Variants in DENND1A observed in about 807,000 individuals in gnomAD.
DENND1A encodes DENN domain containing 1A, also known as DENN domain-containing protein 1A.
DENND1A carries 51 observed loss-of-function variants against 113.7 expected under a neutral mutation model. The ratio of observed to expected loss-of-function variants is 0.45; its 90% CI spans 0.36 to 0.57. The LOEUF is 0.57. DENND1A is among the 20% of genes least tolerant of loss of function. The probability of loss-of-function intolerance (pLI) is 0.00; values close to 1 mark genes in which losing one functional copy is unlikely to be tolerated. For synonymous variants in DENND1A, 565 were observed against 570.8 expected (o/e 0.99, Z 0.14); for missense variants, 1,258 against 1,395.9 (o/e 0.90, Z 1.57).
chr9:123,449,976 C>A (rs896907982), intron 18 of DENND1A, among the ~76,000 whole-genome samples: 5 of 151,172 alleles, frequency 3.3e-5, no homozygotes, highest in African/African-American at 1.2e-4. Flanking sequence ...CCACCTGTTT[C>A]CCCCAAAGGC....
intron 19 of DENND1A, among the ~76,000 whole-genome samples, chr9:123,418,089 C>A (rs957579691): frequency 6.6e-6 from 1 of 152,170 alleles, no homozygotes; most frequent in Non-Finnish European, 1.5e-5. Context: ...ATCAGAGACA[C>A]AATAAGAGGA....
At chr9:123,500,651 A>T (rs1263544372) in intron 13 of DENND1A, among the ~76,000 whole-genome samples, 2 of 152,120 alleles carry the variant, frequency 1.3e-5, no homozygotes, top group African/African-American at 2.4e-5. Context: ...AGTTCTCCGC[A>T]CGCCTCTCCC....
At chr9:123,752,824 G>T (rs1414040859) in intron 5 of DENND1A, among the ~76,000 whole-genome samples, 1 of 152,192 alleles carries the variant, frequency 6.6e-6, no homozygotes, top group Non-Finnish European at 1.5e-5. Flanking sequence ...ATATGAAAAT[G>T]CTAAAATGCT....
rs533469635 is a variant in DENND1A, at chr9:123,818,345, C to T, written c.89-25715G>A. 3.2e-4 allele frequency among the ~76,000 whole-genome samples: 49 copies of T among 152,146 alleles called. 1 individual carries two copies. In the South Asian group the frequency reaches 7.1e-3, roughly 22 times the overall value. On this transcript the variant is annotated intron_variant, in intron 2 of 23. Transcript: ENST00000394215. ...GGTCTTGATCTCCTGACCTTATGAT[C>T]CGCCCGCCTAGGCCTCTCAAAGTGC...
intron 13 of DENND1A, among the ~76,000 whole-genome samples, chr9:123,553,953 T>C (rs1448886021): frequency 6.6e-6 from 1 of 152,186 alleles, no homozygotes; most frequent in Non-Finnish European, 1.5e-5. Flanking sequence ...AGACAGGATG[T>C]CACCACGTTG....
In DENND1A at chr9:123,868,480, T is replaced by C. The variant is rs372778038; in HGVS notation, c.88+10471A>G. Among the ~76,000 whole-genome samples the C allele has an allele frequency of 7.2e-5, 11 of 152,364 alleles. No individual in the cohort carries two copies. In the East Asian group the frequency reaches 1.9e-3, roughly 27 times the overall value. On this transcript the variant is annotated intron_variant, in intron 2 of 23. Transcript: ENST00000394215. ...ATGTCCCATGCATGGTGCACTCCCA[T>C]TTAATCTTTCAACTAAAACAGGTAC...
intron 5 of DENND1A, among the ~76,000 whole-genome samples, chr9:123,756,085 AT>A (rs2070516882): frequency 6.6e-6 from 1 of 152,164 alleles, no homozygotes; most frequent in South Asian, 2.1e-4. Flanking sequence ...TAATTTTTGT[AT>A]TTTTTAGTTA....
At chr9:123,707,947 T>C (rs1326443131) in intron 5 of DENND1A, among the ~76,000 whole-genome samples, 1 of 151,964 alleles carries the variant, frequency 6.6e-6, no homozygotes, top group African/African-American at 2.4e-5. Flanking sequence ...GTGTCTTGAG[T>C]AGACGAAAGG....
chr9:123,808,192 C>T (rs753598157), intron 2 of DENND1A, among the ~76,000 whole-genome samples: 5 of 151,946 alleles, frequency 3.3e-5, no homozygotes, highest in Non-Finnish European at 5.9e-5. Flanking sequence ...TGCCATTGTA[C>T]CCCAGCCTAG....
chr9:123,665,343 A>G (rs1472405467), intron 8 of DENND1A, among the ~76,000 whole-genome samples: 1 of 152,174 alleles, frequency 6.6e-6, no homozygotes, highest in Non-Finnish European at 1.5e-5. Flanking sequence ...AGCACCAAAT[A>G]TATAATATTT....
chr9:123,663,261 C>T (rs1204246775), intron 8 of DENND1A, among the ~76,000 whole-genome samples: 1 of 151,912 alleles, frequency 6.6e-6, no homozygotes, highest in Non-Finnish European at 1.5e-5. Flanking sequence ...GTTTAAAAAC[C>T]ATCTACAACA....
chr9:123,547,164 A>AT (rs1289350187), intron 13 of DENND1A, among the ~76,000 whole-genome samples: 1 of 152,334 alleles, frequency 6.6e-6, no homozygotes, highest in East Asian at 1.9e-4. Context: ...AACAATGGTC[A>AT]TTTTTTCTCA....
rs545041265 is a variant in DENND1A at position 123,801,445 on chromosome 9, G to C, written c.89-8815C>G. On this transcript the variant is annotated intron_variant, in intron 2 of 23. Transcript: ENST00000394215. ...GTCTTCAGGGTTCATTCATGATGTC[G>C]CATGTGTCACAATTCCCTTCCTTTT... Among the ~76,000 whole-genome samples, 5 of 152,276 alleles carry C rather than the reference G, an allele frequency of 3.3e-5. No homozygotes were observed. The East Asian group carries it at 9.6e-4, about 29-fold the overall frequency.
intron 2 of DENND1A, among the ~76,000 whole-genome samples, chr9:123,863,100 G>C (rs1002464670): frequency 1.3e-5 from 2 of 152,128 alleles, no homozygotes; most frequent in Admixed American, 6.6e-5. Context: ...GACAATTCTG[G>C]CCAATGGCCC....
At chr9:123,591,930 A>G (rs535068464) in intron 11 of DENND1A, among the ~76,000 whole-genome samples, 1 of 152,372 alleles carries the variant, frequency 6.6e-6, no homozygotes, top group East Asian at 1.9e-4. Flanking sequence ...GATAGGAGTT[A>G]ACACAGCGAT....
At chr9:123,562,983 G>T (rs916937347) in intron 12 of DENND1A, among the ~76,000 whole-genome samples, 16 of 152,174 alleles carry the variant, frequency 1.1e-4, no homozygotes, top group African/African-American at 3.6e-4. Context: ...TTGACATTGT[G>T]AAAGGCATTT....
At chr9:123,800,323 A>T (rs1207689007) in intron 2 of DENND1A, among the ~76,000 whole-genome samples, 1 of 152,212 alleles carries the variant, frequency 6.6e-6, no homozygotes, top group Non-Finnish European at 1.5e-5. Flanking sequence ...TTGCAGTAAC[A>T]ATTATAATAC....
intron 13 of DENND1A, among the ~76,000 whole-genome samples, chr9:123,475,681 C>T (rs1260272117): frequency 1.3e-5 from 2 of 152,240 alleles, no homozygotes; most frequent in South Asian, 2.1e-4. Flanking sequence ...CGCCTGCCAT[C>T]GCAGGTGTGG....
intron 5 of DENND1A, among the ~76,000 whole-genome samples, chr9:123,700,469 T>C (rs1475408743): frequency 2.6e-5 from 4 of 152,192 alleles, no homozygotes; most frequent in Non-Finnish European, 5.9e-5. Context: ...GACAGGCCAG[T>C]GGGCTGGAAA....
Sources: allele counts gnomAD v4.1 joint callset (sites outside exome capture counted in the v4.1 genomes callset), GRCh38; gene constraint gnomAD v4.1.1; transcripts MANE v1.5; gene names NCBI Gene and HGNC (gene_info 2026-07-23, HGNC 2026-07-21).